The following BORCS5 variants were observed in gnomAD, a reference collection of about 807,000 sequenced individuals.
BORCS5 encodes BLOC-1-related complex subunit 5.
In BORCS5, 17 loss-of-function variants were observed where a neutral mutation model predicts 22.1. That is an observed-to-expected ratio of 0.77 (90% CI 0.53 to 1.15). The LOEUF (loss-of-function observed/expected upper bound fraction) is 1.15, where lower values mean the gene tolerates loss of function less well. Ranked by LOEUF, BORCS5 falls within the 50% of genes most tolerant of loss-of-function variation. The probability of loss-of-function intolerance (pLI) is 0.00; values close to 1 mark genes in which losing one functional copy is unlikely to be tolerated. For missense variants in BORCS5, 247 were observed against 253.2 expected, an observed-to-expected ratio of 0.98 and a Z score of 0.17; for synonymous variants, 117 against 99.8, an observed-to-expected ratio of 1.17 and a Z score of -1.03.
At chr12:12,435,400 G>A (rs1942533233) in intron 2 of BORCS5, among the ~76,000 whole-genome samples, 1 of 152,066 alleles carries the variant, frequency 6.6e-6, no homozygotes, top group Non-Finnish European at 1.5e-5. Flanking sequence ...CACTTTCCAG[G>A]GCAGCTGTGA....
intron 2 of BORCS5, among the ~76,000 whole-genome samples, chr12:12,397,536 T>G (rs1240922839): frequency 1.3e-5 from 2 of 152,198 alleles, no homozygotes. Context: ...TCATTCCCAC[T>G]TGTACCTTTT....
chr12:12,374,286 C>T (rs544308583), intron 2 of BORCS5, among the ~76,000 whole-genome samples: 28 of 151,856 alleles, frequency 1.8e-4, no homozygotes, highest in Admixed American at 9.8e-4. Context: ...CCACCGCACC[C>T]GGCCAAGGGT....
intron 3 of BORCS5, among the ~76,000 whole-genome samples, chr12:12,438,102 G>A (rs1403100731): frequency 6.6e-6 from 1 of 152,040 alleles, no homozygotes; most frequent in African/African-American, 2.4e-5. Flanking sequence ...GGAGATCTTA[G>A]AATTATAATA....
At chr12:12,417,021 C>T (rs1360304190) in intron 2 of BORCS5, among the ~76,000 whole-genome samples, 1 of 151,516 alleles carries the variant, frequency 6.6e-6, no homozygotes, top group Non-Finnish European at 1.5e-5. Context: ...GAACACTTGA[C>T]CTCAAGTGAT....
At chr12:12,372,745 C>G (rs1478341793) in intron 2 of BORCS5, among the ~76,000 whole-genome samples, 1 of 152,106 alleles carries the variant, frequency 6.6e-6, no homozygotes, top group African/African-American at 2.4e-5. Flanking sequence ...CTAATGGGAA[C>G]ATGAGCTCTT....
intron 2 of BORCS5, among the ~76,000 whole-genome samples, chr12:12,423,438 C>CTTTTTTT (rs939681383): frequency 5.2e-5 from 3 of 57,254 alleles, no homozygotes; most frequent in African/African-American, 6.4e-5. Flanking sequence ...ACTCCCTCAG[C>CTTTTTTT]TTTTTTTTTT....
intron 3 of BORCS5, among the ~76,000 whole-genome samples, chr12:12,447,249 T>C (rs1376085014): frequency 6.6e-6 from 1 of 152,248 alleles, no homozygotes; most frequent in Non-Finnish European, 1.5e-5. Context: ...TGACTTCTGC[T>C]GTGCCCCCTC....
At chr12:12,390,416 A>G (rs1279149376) in intron 2 of BORCS5, among the ~76,000 whole-genome samples, 3 of 152,138 alleles carry the variant, frequency 2.0e-5, no homozygotes, top group Non-Finnish European at 4.4e-5. Flanking sequence ...GGCCAAGCAC[A>G]GAACATTGCA....
At chr12:12,394,502 A>G (rs750511713) in intron 2 of BORCS5, among the ~76,000 whole-genome samples, 7 of 151,988 alleles carry the variant, frequency 4.6e-5, no homozygotes, top group Non-Finnish European at 1.0e-4. Context: ...TTAAATAAGT[A>G]AGATATAACT....
chr12:12,435,414 C>G (rs3751260), intron 2 of BORCS5, among the ~76,000 whole-genome samples: 1 of 152,034 alleles, frequency 6.6e-6, no homozygotes, highest in Non-Finnish European at 1.5e-5. Flanking sequence ...GCTGTGAATA[C>G]GAAAAATCGT....
chr12:12,452,559 G>A (rs1942931285), intron 3 of BORCS5: 2 of 349,600 alleles, frequency 5.7e-6, no homozygotes, highest in African/African-American at 2.2e-5. Context: ...TCGTGATCTT[G>A]CCGGCGATCC....
intron 3 of BORCS5, among the ~76,000 whole-genome samples, chr12:12,452,820 A>G (rs1207470553): frequency 2.0e-5 from 3 of 152,254 alleles, no homozygotes; most frequent in Non-Finnish European, 4.4e-5. Flanking sequence ...TCGGACAGCC[A>G]GAAAGCACAT....
intron 2 of BORCS5, among the ~76,000 whole-genome samples, chr12:12,419,179 T>C (rs913954635): frequency 2.7e-4 from 41 of 152,224 alleles, no homozygotes; most frequent in African/African-American, 9.4e-4. Context: ...TTTCTCCTAA[T>C]GCTATCCCTC....
chr12:12,392,346 C>T (rs905621892), intron 2 of BORCS5, among the ~76,000 whole-genome samples: 2 of 152,024 alleles, frequency 1.3e-5, no homozygotes, highest in Non-Finnish European at 2.9e-5. Context: ...AAAGTCTGTG[C>T]TTTTTCCTAT....
intron 2 of BORCS5, among the ~76,000 whole-genome samples, chr12:12,426,111 A>G (rs892774017): frequency 2.2e-4 from 33 of 152,332 alleles, no homozygotes; most frequent in African/African-American, 6.3e-4. Flanking sequence ...TTGGATTCCA[A>G]TTCCGGGTCT....
At chr12:12,405,224 T>C (rs1352806161) in intron 2 of BORCS5, among the ~76,000 whole-genome samples, 1 of 152,202 alleles carries the variant, frequency 6.6e-6, no homozygotes, top group Non-Finnish European at 1.5e-5. Context: ...TGAAAACATC[T>C]TGATTCTAAA....
intron 2 of BORCS5, among the ~76,000 whole-genome samples, chr12:12,423,439 T>A (rs12828068): frequency 2.9e-5 from 2 of 69,732 alleles, no homozygotes; most frequent in South Asian, 5.6e-4. Context: ...CTCCCTCAGC[T>A]TTTTTTTTTT....
intron 2 of BORCS5, among the ~76,000 whole-genome samples, chr12:12,390,673 C>G (rs1941154902): frequency 6.6e-6 from 1 of 151,228 alleles, no homozygotes; most frequent in Non-Finnish European, 1.5e-5. Flanking sequence ...GTAGCCTCAG[C>G]TACTTGGGAG....
In BORCS5 at chr12:12,465,916, C is replaced by A; in HGVS notation, c.*140C>A. ...AGTGGGTGCGAAGGAGTCCGGCTGG[C>A]ATGAAAATCTGACTTTGCCCAGCTC... On this transcript the variant is annotated 3_prime_UTR_variant, in exon 4 of 4. Transcript: ENST00000314565. The A allele has an allele frequency of 1.5e-6, 1 of 658,116 alleles. No individual in the cohort carries two copies. The highest frequency in any genetic ancestry group is 2.6e-6 in the Non-Finnish European group (1 of 391,314). 40.8% of individuals were successfully genotyped at this position (658,116 alleles called of 1,614,324 possible). A position where few individuals can be genotyped will look rare whatever the true frequency, so the allele number is the denominator to read the frequency against.
Sources: gnomAD v4.1 joint callset for allele counts (sites outside exome capture counted in the v4.1 genomes callset) on GRCh38, gnomAD v4.1.1 for gene constraint, MANE v1.5 for transcripts, NCBI Gene and HGNC (gene_info 2026-07-23, HGNC 2026-07-21) for gene names.